Variants in MALRD1 observed in about 807,000 individuals in gnomAD.
The protein encoded by MALRD1 is MAM and LDL receptor class A domain containing 1.
A neutral mutation model predicts 242.1 loss-of-function variants in MALRD1; 247 were observed. The ratio of observed to expected loss-of-function variants is 1.02; its 90% confidence interval spans 0.92 to 1.13. The LOEUF is 1.13. Ranked by LOEUF, MALRD1 falls within the 50% of genes most tolerant of loss-of-function variation. MALRD1 has a pLI of 0.00. For missense variants in MALRD1, 2,989 were observed against 2,533.1 expected, an observed-to-expected ratio of 1.18 and a Z score of -3.86; for synonymous variants, 995 against 866.6, an observed-to-expected ratio of 1.15 and a Z score of -2.60.
chr10:19,505,166 G>A (rs1374186509), intron 31 of MALRD1, among the ~76,000 whole-genome samples: 1 of 152,028 alleles, frequency 6.6e-6, no homozygotes, highest in African/African-American at 2.4e-5. Flanking sequence ...GAAATCCTAA[G>A]TTAAGGAAAA....
chr10:19,645,940 AAAC>A (rs1427726181), intron 36 of MALRD1, among the ~76,000 whole-genome samples: 1 of 152,206 alleles, frequency 6.6e-6, no homozygotes, highest in East Asian at 1.9e-4. Context: ...ATAGTAAATT[AAAC>A]AACAACTTGT....
chr10:19,141,596 A>C (rs551467360), intron 10 of MALRD1, among the ~76,000 whole-genome samples: 207 of 151,400 alleles, frequency 1.4e-3, no homozygotes, highest in African/African-American at 4.4e-3. Context: ...ATTTTCAATA[A>C]CTCATATAGG....
intron 36 of MALRD1, 138 bp from the exon 37 acceptor site, chr10:19,692,144 T>C: frequency 1.6e-6 from 1 of 611,776 alleles, no homozygotes. Flanking sequence ...CTTAAAGTTT[T>C]TGGTTTTTTA....
At chr10:19,297,824 C>G (rs775954515) in intron 21 of MALRD1, among the ~76,000 whole-genome samples, 10 of 151,354 alleles carry the variant, frequency 6.6e-5, no homozygotes, top group African/African-American at 9.7e-5. Flanking sequence ...GCTTCATATC[C>G]AGAAAGGGAA....
intron 28 of MALRD1, among the ~76,000 whole-genome samples, chr10:19,432,845 C>T (rs1400832588): frequency 2.0e-5 from 3 of 152,210 alleles, no homozygotes; most frequent in African/African-American, 7.2e-5. Context: ...CTCCCCCAAA[C>T]TTGCAATATC....
intron 31 of MALRD1, among the ~76,000 whole-genome samples, chr10:19,517,346 C>T (rs1833681875): frequency 6.6e-6 from 1 of 152,106 alleles, no homozygotes; most frequent in Admixed American, 6.6e-5. Context: ...TTTCCAATAG[C>T]CTGGCTGTTT....
At chr10:19,446,437 A>G (rs1834985738) in intron 28 of MALRD1, among the ~76,000 whole-genome samples, 1 of 152,248 alleles carries the variant, frequency 6.6e-6, no homozygotes, top group Admixed American at 6.5e-5. Context: ...TATTATTTAA[A>G]TGGTTTAAAA....
intron 36 of MALRD1, among the ~76,000 whole-genome samples, chr10:19,673,179 G>A (rs1362994251): frequency 2.6e-5 from 4 of 152,042 alleles, no homozygotes; most frequent in Admixed American, 1.3e-4. Flanking sequence ...TCAGGAGATC[G>A]AGACCATCCT....
At chr10:19,106,678 G>C (rs1295832438) in intron 5 of MALRD1, among the ~76,000 whole-genome samples, 1 of 151,538 alleles carries the variant, frequency 6.6e-6, no homozygotes, top group Non-Finnish European at 1.5e-5. Context: ...TACTAATTTG[G>C]GGTTTAGTTT....
chr10:19,554,573 G>A (rs1422525691), intron 32 of MALRD1, among the ~76,000 whole-genome samples: 1 of 151,968 alleles, frequency 6.6e-6, no homozygotes, highest in East Asian at 1.9e-4. Context: ...GCCCCAGTGT[G>A]TGTTGTCCCA....
chr10:19,393,478 C>T (rs1846422667), intron 28 of MALRD1, among the ~76,000 whole-genome samples: 2 of 137,072 alleles, frequency 1.5e-5, no homozygotes, highest in Non-Finnish European at 3.0e-5. Context: ...CCGAGTCTCG[C>T]TCTGTCACCC....
chr10:19,267,836 C>T (rs557772404), intron 19 of MALRD1, among the ~76,000 whole-genome samples: 1 of 151,872 alleles, frequency 6.6e-6, no homozygotes, highest in Non-Finnish European at 1.5e-5. Flanking sequence ...GAAATTTGAG[C>T]CTTGGTGATT....
chr10:19,562,310 T>C (rs1836007993), intron 32 of MALRD1, among the ~76,000 whole-genome samples: 1 of 129,442 alleles, frequency 7.7e-6, no homozygotes, highest in African/African-American at 4.1e-5. Context: ...GATAGATAGA[T>C]AGATAGATAG....
chr10:19,556,596 C>T (rs1835729271), intron 32 of MALRD1, among the ~76,000 whole-genome samples: 1 of 152,022 alleles, frequency 6.6e-6, no homozygotes, highest in Non-Finnish European at 1.5e-5. Context: ...GGCTTGATAC[C>T]TCATTTACTT....
intron 28 of MALRD1, among the ~76,000 whole-genome samples, chr10:19,442,579 T>C (rs1322504045): frequency 2.0e-5 from 3 of 152,146 alleles, no homozygotes; most frequent in Admixed American, 6.5e-5. Context: ...GAGATAATCA[T>C]GTGGTTTTTG....
chr10:19,372,835 A>T (rs895889330), intron 26 of MALRD1, among the ~76,000 whole-genome samples: 3 of 152,182 alleles, frequency 2.0e-5, no homozygotes, highest in Non-Finnish European at 4.4e-5. Flanking sequence ...GGTAAATTTA[A>T]CTGGATAAGA....
intron 18 of MALRD1, among the ~76,000 whole-genome samples, chr10:19,229,912 A>C (rs1250626531): frequency 6.6e-6 from 1 of 151,988 alleles, no homozygotes; most frequent in Admixed American, 6.6e-5. Flanking sequence ...CCCAAATCTC[A>C]TCTTGCACTA....
intron 2 of MALRD1, among the ~76,000 whole-genome samples, chr10:19,083,140 A>G (rs764884414): frequency 6.6e-5 from 10 of 152,040 alleles, no homozygotes; most frequent in Non-Finnish European, 1.2e-4. Flanking sequence ...GTTTCCACAT[A>G]TGAATGTGTG....
chr10:19,306,866 A>G (rs767366585), intron 21 of MALRD1, among the ~76,000 whole-genome samples: 1 of 151,420 alleles, frequency 6.6e-6, no homozygotes, highest in Non-Finnish European at 1.5e-5. Flanking sequence ...GATCTCATTC[A>G]CTATCAAGAG....
Sources: allele counts gnomAD v4.1 joint callset (sites outside exome capture counted in the v4.1 genomes callset), GRCh38; gene constraint gnomAD v4.1.1; transcripts MANE v1.5; gene names NCBI Gene and HGNC (gene_info 2026-07-23, HGNC 2026-07-21).